Variants in MEAK7 observed in about 807,000 individuals in gnomAD.
The protein encoded by MEAK7 is MTOR-associated protein MEAK7.
MEAK7 carries 68 observed loss-of-function variants against 40.5 expected under a neutral mutation model. The ratio of observed to expected loss-of-function variants is 1.68; its 90% CI spans 1.38 to 2.06. The LOEUF (loss-of-function observed/expected upper bound fraction) is 2.06. Ranked by LOEUF, MEAK7 falls within the 30% of genes most tolerant of loss-of-function variation. The pLI is 0.00. For missense variants in MEAK7, 918 were observed against 580.5 expected (o/e 1.58, Z -5.98); for synonymous variants, 338 against 231.9 (o/e 1.46, Z -4.16).
intron 4 of MEAK7, among the ~76,000 whole-genome samples, chr16:84,488,845 G>T (rs529766704): frequency 6.6e-6 from 1 of 152,096 alleles, no homozygotes; most frequent in South Asian, 2.1e-4. Context: ...AGAAGATCTC[G>T]AATCAATAAC....
intron 3 of MEAK7, among the ~76,000 whole-genome samples, chr16:84,490,095 G>T (rs1326871418): frequency 2.0e-5 from 3 of 152,162 alleles, no homozygotes; most frequent in African/African-American, 7.2e-5. Context: ...CTCAGTAATT[G>T]TACAAACTGT....
rs375163222 is a variant in MEAK7 at position 84,479,965 on chromosome 16, C to T, written c.1319G>A (p.Ser440Asn). ...CCCTTCGCTGTGGCGCGAATGCCCACTGATCTCCAGCAGGGCCTGGGCCTC... is the reference window on the plus strand; with the variant it reads ...CCCTTCGCTGTGGCGCGAATGCCCATTGATCTCCAGCAGGGCCTGGGCCTC... The part of the protein sequence containing the change: ...DPEAQALLEI[S>N]GHSRHSEGLR... Residue 440 changes from serine (S) to asparagine (N), a missense_variant, in exon 8 of 8, where the codon AGT becomes AAT. By Grantham distance (46) the Ser-to-Asn change is conservative. Transcript: ENST00000343629. 3.7e-6 allele frequency: 6 copies of T among 1,610,138 alleles called. No individual in the cohort carries two copies. Among genetic ancestry groups the T allele is most frequent in the Non-Finnish European group, 5.1e-6 (6 of 1,177,348 alleles).
intron 7 of MEAK7, 90 bp downstream of exon 7, chr16:84,480,439 C>T (rs1265610313): frequency 7.0e-7 from 1 of 1,422,512 alleles, no homozygotes; most frequent in South Asian, 1.4e-5. Context: ...TATCTGCAGA[C>T]AGAAGAGTAA....
intron 1 of MEAK7, chr16:84,499,774 C>G (rs188554383): frequency 6.6e-6 from 1 of 152,204 alleles, no homozygotes; most frequent in East Asian, 1.9e-4. Flanking sequence ...TGGTGGCTCA[C>G]ACCTGTCATC....
chr16:84,494,135 T>C (rs1913850853), intron 3 of MEAK7, among the ~76,000 whole-genome samples: 1 of 152,200 alleles, frequency 6.6e-6, no homozygotes, highest in African/African-American at 2.4e-5. Flanking sequence ...AGAGAGTCAG[T>C]GTCTATATGG....
intron 6 of MEAK7, among the ~76,000 whole-genome samples, chr16:84,481,930 C>CA (rs1229264760): frequency 6.6e-6 from 1 of 151,484 alleles, no homozygotes; most frequent in Non-Finnish European, 1.5e-5. Context: ...GACTCCATCT[C>CA]AAAAAGAAAA....
chr16:84,480,834 CCAT>C, intron 6 of MEAK7, 126 bp from the exon 7 acceptor site: 1 of 1,037,502 alleles, frequency 9.6e-7, no homozygotes, highest in Non-Finnish European at 1.3e-6. Flanking sequence ...GTGGTGAATG[CCAT>C]CATCTTGTTT....
intron 3 of MEAK7, among the ~76,000 whole-genome samples, chr16:84,494,203 T>C (rs756934228): frequency 6.6e-6 from 1 of 152,230 alleles, no homozygotes. Context: ...ATAATTAGAC[T>C]ACAACTTATT....
chr16:84,500,916 A>C (rs2150650133), intron 1 of MEAK7, among the ~76,000 whole-genome samples: 1 of 152,152 alleles, frequency 6.6e-6, no homozygotes, highest in East Asian at 1.9e-4. Flanking sequence ...AACGACATGA[A>C]ACCCCATCTC....
rs943325729 is a variant in MEAK7 at position 84,497,839 on chromosome 16, C to G, written c.153+95G>C. On this transcript the variant is annotated intron_variant, in intron 2 of 7. Transcript: ENST00000343629. The stretch of plus-strand genomic sequence containing the variant: ...AACTTTTCAGTGTTGCCATCCATCC[C>G]ATTACAAAAACACGAAAGCAGATTC... 3.2e-6 allele frequency: 5 copies of G among 1,548,824 alleles called. No homozygotes were observed. In the African/African-American group the frequency reaches 5.5e-5, roughly 17 times the overall value.
intron 3 of MEAK7, among the ~76,000 whole-genome samples, chr16:84,492,873 C>T (rs538032101): frequency 7.9e-5 from 12 of 152,196 alleles, no homozygotes; most frequent in South Asian, 6.2e-4. Context: ...TCAGCCACTA[C>T]GCCCAGCCTA....
At chr16:84,500,757 A>G (rs2150649871) in intron 1 of MEAK7, among the ~76,000 whole-genome samples, 1 of 152,286 alleles carries the variant, frequency 6.6e-6, no homozygotes, top group East Asian at 1.9e-4. Context: ...GCTCTGAAAC[A>G]GAGGGGCTGC....
At chr16:84,482,069 G>A (rs1371258167) in intron 6 of MEAK7, among the ~76,000 whole-genome samples, 1 of 152,172 alleles carries the variant, frequency 6.6e-6, no homozygotes, top group Non-Finnish European at 1.5e-5. Context: ...CTGGACCCGT[G>A]CCCACCCACT....
intron 5 of MEAK7, among the ~76,000 whole-genome samples, chr16:84,483,633 C>A (rs1912772238): frequency 6.6e-6 from 1 of 152,226 alleles, no homozygotes; most frequent in Non-Finnish European, 1.5e-5. Flanking sequence ...TGGCCCCGAG[C>A]AAGCCAACAG....
In MEAK7 at chr16:84,486,827, G is replaced by C; in HGVS notation, c.762C>G (p.Ile254Met). The stretch of plus-strand genomic sequence containing the variant: ...GCTGCTCCCGAGGCAGCTGGGCGTT[G>C]ATGTACATGACAGAGAGGACATCCA... The part of the protein sequence containing the change: ...SILDVLSVMY[I>M]NAQLPREQRH... The change falls in exon 5 of 8, where the codon ATC (isoleucine) becomes ATG (methionine). Residue 254 changes from isoleucine to methionine, a missense_variant. Physicochemically the swap from Ile to Met is conservative, Grantham distance 10 (BLOSUM62 1). Transcript: ENST00000343629. The C allele has an allele frequency of 6.2e-7, 1 of 1,614,030 alleles. No homozygotes were observed. The highest frequency in any genetic ancestry group is 8.5e-7 in the Non-Finnish European group (1 of 1,179,896).
At chr16:84,486,027 T>C (rs1913024936) in intron 5 of MEAK7, 1 of 151,946 alleles carries the variant, frequency 6.6e-6, no homozygotes, top group African/African-American at 2.4e-5. Flanking sequence ...GGTCTCACTA[T>C]GTTGCCCATG....
chr16:84,493,489 C>T (rs563337358), intron 3 of MEAK7, among the ~76,000 whole-genome samples: 26 of 152,110 alleles, frequency 1.7e-4, no homozygotes, highest in African/African-American at 2.7e-4. Flanking sequence ...AACAGATGAC[C>T]GAAATAATCT....
chr16:84,486,604 G>A (rs758342694), intron 5 of MEAK7, 27 bp downstream of exon 5: 35 of 1,567,076 alleles, frequency 2.2e-5, no homozygotes, highest in Admixed American at 5.6e-5. Flanking sequence ...TGTGCCACTC[G>A]TCAAGGTTCA....
intron 5 of MEAK7, among the ~76,000 whole-genome samples, chr16:84,483,781 C>G (rs77776587): frequency 0.028 from 4,255 of 152,272 alleles, 80 homozygotes; most frequent in Non-Finnish European, 0.042. Context: ...TGAAACAGAG[C>G]TGGCTGGGGC....
Sources: allele counts gnomAD v4.1 joint callset (sites outside exome capture counted in the v4.1 genomes callset), GRCh38; gene constraint gnomAD v4.1.1; transcripts MANE v1.5; gene names NCBI Gene and HGNC (gene_info 2026-07-23, HGNC 2026-07-21).